Variants in TBC1D22A observed in about 807,000 individuals in gnomAD.
TBC1D22A encodes the protein TBC1 domain family member 22A, also known as putative GTPase activator.
TBC1D22A carries 38 observed loss-of-function variants against 60.2 expected under a neutral mutation model. That is an observed-to-expected ratio of 0.63 (90% CI 0.49 to 0.83). TBC1D22A has a LOEUF of 0.83. Among genes scored for constraint, TBC1D22A ranks in the 40% least tolerant of loss-of-function variants. TBC1D22A has a pLI of 0.00. For synonymous variants in TBC1D22A, 302 were observed against 281.7 expected (o/e 1.07, Z -0.72); for missense variants, 628 against 701.0 (o/e 0.90, Z 1.18).
chr22:47,058,753 TC>T (rs1431217078), intron 11 of TBC1D22A, among the ~76,000 whole-genome samples: 2 of 152,010 alleles, frequency 1.3e-5, no homozygotes, highest in Non-Finnish European at 2.9e-5. Flanking sequence ...GTGGGGTTGG[TC>T]CGTAGGTCCC....
At chr22:46,910,687 A>G (rs1056957630) in intron 7 of TBC1D22A, among the ~76,000 whole-genome samples, 1 of 152,028 alleles carries the variant, frequency 6.6e-6, no homozygotes, top group Non-Finnish European at 1.5e-5. Context: ...GGCTCTTCCA[A>G]AAAGAGAGTG....
chr22:47,051,412 A>G (rs548734802), intron 11 of TBC1D22A, among the ~76,000 whole-genome samples: 8 of 152,342 alleles, frequency 5.3e-5, no homozygotes, highest in African/African-American at 1.7e-4. Flanking sequence ...CTTAAAGAAC[A>G]GTCTAGTTCC....
At chr22:47,050,158 C>T (rs1436175346) in intron 11 of TBC1D22A, among the ~76,000 whole-genome samples, 1 of 152,218 alleles carries the variant, frequency 6.6e-6, no homozygotes, top group East Asian at 1.9e-4. Flanking sequence ...CGCCTGCCAC[C>T]ACGCCTGGCT....
At chr22:47,040,642 G>A (rs1308610379) in intron 11 of TBC1D22A, among the ~76,000 whole-genome samples, 1 of 152,138 alleles carries the variant, frequency 6.6e-6, no homozygotes, top group African/African-American at 2.4e-5. Flanking sequence ...CTGGGGAGGT[G>A]AGGATGCAGG....
Position 47,168,929 on chromosome 22 carries a change from C to T in TBC1D22A, c.1426-4569C>T, listed in dbSNP as rs1024541216. On this transcript the variant is annotated intron_variant, in intron 12 of 12. Transcript: ENST00000337137. ...AGCATCGGAAGCCTCACCTGGTCTT[C>T]GGCATCGGGAGCCTCAGCATTGGGA... 3.9e-5 allele frequency among the ~76,000 whole-genome samples: 6 copies of T among 152,154 alleles called. No homozygotes were observed. The South Asian group carries it at 6.2e-4, about 16-fold the overall frequency.
At chr22:47,136,270 C>T (rs949354476) in intron 12 of TBC1D22A, among the ~76,000 whole-genome samples, 3 of 152,222 alleles carry the variant, frequency 2.0e-5, no homozygotes, top group Non-Finnish European at 4.4e-5. Context: ...GGCCCCCGCC[C>T]CAGGTCCCCA....
chr22:46,819,497 G>C (rs568165283), intron 4 of TBC1D22A, among the ~76,000 whole-genome samples: 1 of 152,142 alleles, frequency 6.6e-6, no homozygotes, highest in East Asian at 1.9e-4. Context: ...TGAGATAATC[G>C]TGGTTTTTTG....
At chr22:46,764,827 G>A (rs994094925) in intron 1 of TBC1D22A, among the ~76,000 whole-genome samples, 1 of 152,218 alleles carries the variant, frequency 6.6e-6, no homozygotes, top group Non-Finnish European at 1.5e-5. Context: ...GCTAGAAGAG[G>A]CAAGGAAGGA....
At chr22:47,111,141 C>G (rs779327604) in intron 11 of TBC1D22A, among the ~76,000 whole-genome samples, 1 of 152,214 alleles carries the variant, frequency 6.6e-6, no homozygotes, top group Non-Finnish European at 1.5e-5. Flanking sequence ...GCCTCCCTCA[C>G]GCGCCCTTTG....
chr22:47,040,611 A>C (rs2062808759), intron 11 of TBC1D22A, among the ~76,000 whole-genome samples: 1 of 151,906 alleles, frequency 6.6e-6, no homozygotes, highest in South Asian at 2.1e-4. Context: ...ACAGTGGGCG[A>C]TCCCTGGGTG....
intron 12 of TBC1D22A, among the ~76,000 whole-genome samples, chr22:47,171,570 C>G (rs2068453769): frequency 1.3e-5 from 2 of 152,228 alleles, no homozygotes; most frequent in Admixed American, 1.3e-4. Flanking sequence ...CCCTGTTTCT[C>G]TTCTGAGAAC....
chr22:46,774,437 A>G (rs1404897234), intron 1 of TBC1D22A, among the ~76,000 whole-genome samples: 1 of 152,242 alleles, frequency 6.6e-6, no homozygotes, highest in Non-Finnish European at 1.5e-5. Context: ...ATAAACATGG[A>G]AATTCCACCC....
intron 4 of TBC1D22A, among the ~76,000 whole-genome samples, chr22:46,848,660 G>A (rs2087131262): frequency 6.6e-6 from 1 of 152,172 alleles, no homozygotes; most frequent in Non-Finnish European, 1.5e-5. Context: ...TGCTGAGTCT[G>A]TATGATGATG....
intron 8 of TBC1D22A, among the ~76,000 whole-genome samples, chr22:46,937,427 C>T (rs533458311): frequency 6.6e-6 from 1 of 152,200 alleles, no homozygotes; most frequent in Non-Finnish European, 1.5e-5. Flanking sequence ...CATGCATTAA[C>T]CACGTGTTTG....
intron 8 of TBC1D22A, among the ~76,000 whole-genome samples, chr22:46,923,237 A>G (rs1169763754): frequency 6.6e-6 from 1 of 152,236 alleles, no homozygotes; most frequent in African/African-American, 2.4e-5. Flanking sequence ...CTATCTCCTC[A>G]CTGTGCAGCC....
intron 4 of TBC1D22A, among the ~76,000 whole-genome samples, chr22:46,855,952 G>A (rs1194099920): frequency 6.6e-6 from 1 of 152,204 alleles, no homozygotes; most frequent in East Asian, 1.9e-4. Context: ...CCAGCTTCCT[G>A]TCTGGTGGAT....
At chr22:47,054,098 C>G (rs577965457) in intron 11 of TBC1D22A, among the ~76,000 whole-genome samples, 1 of 152,334 alleles carries the variant, frequency 6.6e-6, no homozygotes, top group South Asian at 2.1e-4. Context: ...GGGTAGCAGC[C>G]AGTGCCCGAG....
chr22:46,929,405 C>T (rs759798887), intron 8 of TBC1D22A, among the ~76,000 whole-genome samples: 1 of 152,108 alleles, frequency 6.6e-6, no homozygotes, highest in Non-Finnish European at 1.5e-5. Flanking sequence ...GAGAGAGTGC[C>T]GTCTTACTCT....
At chr22:46,995,616 C>T (rs964623697) in intron 9 of TBC1D22A, among the ~76,000 whole-genome samples, 2 of 152,136 alleles carry the variant, frequency 1.3e-5, no homozygotes, top group Admixed American at 6.5e-5. Flanking sequence ...CGAAGGCAGT[C>T]GCTCAGCTCC....
Sources: gnomAD v4.1 joint callset for allele counts (sites outside exome capture counted in the v4.1 genomes callset) on GRCh38, gnomAD v4.1.1 for gene constraint, MANE v1.5 for transcripts, NCBI Gene and HGNC (gene_info 2026-07-23, HGNC 2026-07-21) for gene names.